TMEM123: variants seen among roughly 807,000 people sequenced by gnomAD.
TMEM123 encodes the protein porimin.
A neutral mutation model predicts 19.7 loss-of-function variants in TMEM123; 16 were observed. That is an observed-to-expected ratio of 0.81 (90% CI 0.55 to 1.23). TMEM123 has a LOEUF of 1.23. TMEM123 is among the 50% of genes most tolerant of loss of function. The pLI is 0.00. For missense variants in TMEM123, 313 were observed against 257.8 expected, an observed-to-expected ratio of 1.21 and a Z score of -1.47; for synonymous variants, 118 against 99.4, an observed-to-expected ratio of 1.19 and a Z score of -1.12.
intron 2 of TMEM123, among the ~76,000 whole-genome samples, chr11:102,434,737 T>C (rs1368732014): frequency 2.0e-5 from 3 of 151,980 alleles, no homozygotes; most frequent in Non-Finnish European, 4.4e-5. Context: ...TTTAACTCAT[T>C]TTGAGTTGAT....
chr11:102,444,083 T>C (rs1212090633), intron 2 of TMEM123, among the ~76,000 whole-genome samples: 1 of 152,178 alleles, frequency 6.6e-6, no homozygotes, highest in Non-Finnish European at 1.5e-5. Context: ...ATAGGAACAC[T>C]TTTACGCTGT....
At chr11:102,409,822 G>A (rs546986950) in intron 2 of TMEM123, among the ~76,000 whole-genome samples, 2 of 151,622 alleles carry the variant, frequency 1.3e-5, no homozygotes, top group East Asian at 1.9e-4. Context: ...CCGAGATCAC[G>A]CTACTGCTCC....
chr11:102,405,062 T>TG (rs1223163511), intron 2 of TMEM123, among the ~76,000 whole-genome samples: 1 of 151,938 alleles, frequency 6.6e-6, no homozygotes, highest in Non-Finnish European at 1.5e-5. Context: ...TTTCTTTTTT[T>TG]TTTTGAGACA....
chr11:102,430,904 A>G (rs752849807), intron 2 of TMEM123, among the ~76,000 whole-genome samples: 6 of 152,202 alleles, frequency 3.9e-5, no homozygotes, highest in Non-Finnish European at 8.8e-5. Context: ...CATAATACAC[A>G]TACTGGGTGG....
Position 102,452,617 on chromosome 11 carries a change from G to A in TMEM123, c.7C>T (p.Leu3Phe), listed in dbSNP as rs772395330. MG[L>F]GARGAWAALL... ...GCGGCCCAAGCACCTCGCGCGCCGAGTCCCATTGTTCCGAGGGCAGGATGC... is the reference window on the plus strand; with the variant it reads ...GCGGCCCAAGCACCTCGCGCGCCGAATCCCATTGTTCCGAGGGCAGGATGC... The change falls in exon 1 of 5, where the codon CTC becomes TTC. Residue 3 changes from leucine (L) to phenylalanine (F), a missense_variant. Coordinates refer to ENST00000398136, the MANE Select transcript of TMEM123 (RefSeq NM_052932.3). 3 of 1,554,686 alleles carry A rather than the reference G, an allele frequency of 1.9e-6. No homozygotes were observed. In the Admixed American group the frequency reaches 5.3e-5, roughly 27 times the overall value.
In TMEM123 at chr11:102,452,579, C is replaced by A; in HGVS notation, c.45G>T (p.Gly15=). ...ARGAWAALLL[G]TLQVLALLGA... ...CCAGCAGCGCTAGCACCTGCAGCGTCCCCAGGAGCAGCGCGGCCCAAGCAC... is the reference window on the plus strand; with the variant it reads ...CCAGCAGCGCTAGCACCTGCAGCGTACCCAGGAGCAGCGCGGCCCAAGCAC... The change falls in exon 1 of 5, where the codon GGG becomes GGT. Residue 15 remains glycine, a synonymous_variant. Transcript: ENST00000398136. 1 of 1,572,678 alleles carries A rather than the reference C, an allele frequency of 6.4e-7. No homozygotes were observed. The highest frequency in any genetic ancestry group is 1.1e-5 in the South Asian group (1 of 87,362).
rs565334350 is a variant in TMEM123, at chr11:102,415,979, G to A, written c.158-13773C>T. Among the ~76,000 whole-genome samples the A allele has an allele frequency of 1.7e-3, 266 of 152,154 alleles. 2 individuals are homozygous for A. Among genetic ancestry groups the A allele is most frequent in the Non-Finnish European group, 2.7e-3 (181 of 67,994 alleles). ...GCCCAGGCTGGAGTGCAATGGTGCA[G>A]TCTCAGCTCACTGCAACTTCCACCT... On this transcript the variant is annotated intron_variant, in intron 2 of 4. Coordinates refer to ENST00000398136, the MANE Select transcript of TMEM123 (RefSeq NM_052932.3).
intron 2 of TMEM123, among the ~76,000 whole-genome samples, chr11:102,428,516 A>G (rs1009283359): frequency 6.6e-6 from 1 of 150,420 alleles, no homozygotes; most frequent in Non-Finnish European, 1.5e-5. Context: ...CATGTTGGCC[A>G]GGCTGCTCTC....
intron 2 of TMEM123, 51 bp downstream of exon 2, chr11:102,448,761 C>A (rs1857908767): frequency 6.4e-7 from 1 of 1,569,262 alleles, no homozygotes; most frequent in South Asian, 1.1e-5. Flanking sequence ...GTTATTACTT[C>A]ATGTACCCTA....
chr11:102,423,402 G>C (rs952799340), intron 2 of TMEM123, among the ~76,000 whole-genome samples: 8 of 152,162 alleles, frequency 5.3e-5, no homozygotes, highest in Non-Finnish European at 1.0e-4. Flanking sequence ...TCCCTTTAAA[G>C]TCCACTCCCT....
intron 2 of TMEM123, among the ~76,000 whole-genome samples, chr11:102,420,229 G>A (rs1428468394): frequency 6.6e-6 from 1 of 152,156 alleles, no homozygotes; most frequent in African/African-American, 2.4e-5. Context: ...CTTCTGGTTA[G>A]GTTTGGCCAA....
intron 2 of TMEM123, 127 bp downstream of exon 2, chr11:102,448,685 A>G (rs1055461837): frequency 2.8e-5 from 23 of 812,574 alleles, no homozygotes; most frequent in Non-Finnish European, 4.7e-5. Context: ...GGTTATTGGG[A>G]TTCATGGGTG....
intron 2 of TMEM123, among the ~76,000 whole-genome samples, chr11:102,430,965 G>A (rs1357841012): frequency 2.0e-5 from 3 of 152,016 alleles, no homozygotes; most frequent in Non-Finnish European, 4.4e-5. Flanking sequence ...TTCAATGTGG[G>A]GTGAAAAAAG....
intron 2 of TMEM123, among the ~76,000 whole-genome samples, chr11:102,421,846 C>T (rs1026558056): frequency 5.3e-5 from 8 of 152,178 alleles, no homozygotes; most frequent in Non-Finnish European, 1.2e-4. Context: ...TAAAAAATTT[C>T]GCATGATCTG....
rs143417016 is a variant in TMEM123, at chr11:102,442,393, C to T, written c.157+6419G>A. Among the ~76,000 whole-genome samples the T allele has an allele frequency of 1.9e-3, 296 of 152,252 alleles. 11 individuals are homozygous for T. In the East Asian group the frequency reaches 0.054, roughly 28 times the overall value. ...CCTGGGATGCAAGACTGGTTCAACACATGCAAATCAATAAACGTAATCCAG... is the reference window on the plus strand; with the variant it reads ...CCTGGGATGCAAGACTGGTTCAACATATGCAAATCAATAAACGTAATCCAG... On this transcript the variant is annotated intron_variant, in intron 2 of 4. Coordinates refer to ENST00000398136, the MANE Select transcript of TMEM123 (RefSeq NM_052932.3).
intron 2 of TMEM123, among the ~76,000 whole-genome samples, chr11:102,446,207 T>G (rs1408789948): frequency 6.6e-6 from 1 of 152,218 alleles, no homozygotes; most frequent in Non-Finnish European, 1.5e-5. Flanking sequence ...GGCATGTGTC[T>G]TCCTTGCACT....
chr11:102,406,660 G>A (rs781618341), intron 2 of TMEM123, among the ~76,000 whole-genome samples: 1 of 151,902 alleles, frequency 6.6e-6, no homozygotes, highest in Non-Finnish European at 1.5e-5. Flanking sequence ...TAGATCACGA[G>A]GTCAGGAGAT....
Position 102,452,711 on chromosome 11 carries a change from C to T in TMEM123, c.-88G>A. The T allele has an allele frequency of 1.9e-6, 2 of 1,054,008 alleles. No individual in the cohort carries two copies. The highest frequency in any genetic ancestry group is 2.5e-6 in the Non-Finnish European group (2 of 798,650). The allele number at this position is 1,054,008 out of a possible 1,614,324, so 65.3% of individuals were successfully genotyped here. ...GGCTCCTCTGCGCAGCCGGCGCCGG[C>T]TCCGCTTCCCCTTCGGCCGCGCACG... On this transcript the variant is annotated 5_prime_UTR_variant, in exon 1 of 5. Coordinates refer to ENST00000398136, the MANE Select transcript of TMEM123 (RefSeq NM_052932.3).
chr11:102,408,331 T>C (rs1255067485), intron 2 of TMEM123, among the ~76,000 whole-genome samples: 1 of 152,214 alleles, frequency 6.6e-6, no homozygotes, highest in Admixed American at 6.5e-5. Flanking sequence ...TCTTCATTCC[T>C]GTTTGGTGGT....
Sources: gnomAD v4.1 joint callset for allele counts (sites outside exome capture counted in the v4.1 genomes callset) on GRCh38, gnomAD v4.1.1 for gene constraint, MANE v1.5 for transcripts, NCBI Gene and HGNC (gene_info 2026-07-23, HGNC 2026-07-21) for gene names.